Variants in TNS3 observed in about 807,000 individuals in gnomAD.
The protein encoded by TNS3 is tensin 3.
Under a neutral mutation model 140.9 loss-of-function variants are expected in TNS3, and 45 were observed. The ratio of observed to expected loss-of-function variants is 0.32; its 90% CI spans 0.25 to 0.41. The LOEUF (loss-of-function observed/expected upper bound fraction) is 0.41. Among genes scored for constraint, TNS3 ranks in the 10% least tolerant of loss-of-function variants. TNS3 has a pLI of 1.00. For synonymous variants in TNS3, 815 were observed against 788.4 expected, an observed-to-expected ratio of 1.03 and a Z score of -0.56; for missense variants, 1,716 against 1,906.7, an observed-to-expected ratio of 0.90 and a Z score of 1.86.
intron 8 of TNS3, among the ~76,000 whole-genome samples, chr7:47,428,636 CCAA>C (rs1214559738): frequency 6.6e-6 from 1 of 152,194 alleles, no homozygotes; most frequent in African/African-American, 2.4e-5. Context: ...GGAGGGCTGA[CCAA>C]CACAGCAGCT....
At chr7:47,514,235 A>G (rs1362820318) in intron 2 of TNS3, among the ~76,000 whole-genome samples, 1 of 152,224 alleles carries the variant, frequency 6.6e-6, no homozygotes, top group African/African-American at 2.4e-5. Context: ...CCCAATGCCC[A>G]CATTCACTGC....
At chr7:47,449,084 G>A (rs1371547604) in intron 4 of TNS3, among the ~76,000 whole-genome samples, 1 of 152,236 alleles carries the variant, frequency 6.6e-6, no homozygotes. Context: ...GCCTTGCACT[G>A]TATGTTGCCG....
chr7:47,543,323 G>A (rs1799840006), intron 1 of TNS3, among the ~76,000 whole-genome samples: 1 of 152,116 alleles, frequency 6.6e-6, no homozygotes, highest in African/African-American at 2.4e-5. Flanking sequence ...CTTCACACCT[G>A]TTCCCCAGGG....
At chr7:47,519,279 C>T (rs1240877729) in intron 2 of TNS3, among the ~76,000 whole-genome samples, 1 of 142,160 alleles carries the variant, frequency 7.0e-6, no homozygotes, top group Non-Finnish European at 1.5e-5. Flanking sequence ...GGCACGGGTG[C>T]AAAGGAGAAT....
chr7:47,525,695 C>T (rs116291140), intron 2 of TNS3, among the ~76,000 whole-genome samples: 7 of 152,192 alleles, frequency 4.6e-5, no homozygotes, highest in African/African-American at 1.7e-4. Flanking sequence ...GACGCATGCA[C>T]GCATGCACAC....
intron 3 of TNS3, among the ~76,000 whole-genome samples, chr7:47,502,980 T>C (rs1021910104): frequency 1.3e-5 from 2 of 152,046 alleles, no homozygotes; most frequent in Admixed American, 6.5e-5. Context: ...TCTGAGAGCA[T>C]TGGAGCCCAG....
intron 17 of TNS3, among the ~76,000 whole-genome samples, chr7:47,352,187 A>C (rs1789718910): frequency 6.6e-6 from 1 of 152,114 alleles, no homozygotes; most frequent in African/African-American, 2.4e-5. Flanking sequence ...AACAGTCACA[A>C]GCAGACACAC....
Position 47,548,049 on chromosome 7 carries a change from C to A in TNS3, c.-264-18902G>T, listed in dbSNP as rs1276691764. Reference sequence around the variant, plus strand: ...CCAAGTAGCTCGGACTACAGGCATGCACCATCACACCCGGCTAATTTTGTA... The same window carrying A: ...CCAAGTAGCTCGGACTACAGGCATGAACCATCACACCCGGCTAATTTTGTA... On this transcript the variant is annotated intron_variant, in intron 1 of 30. Coordinates refer to ENST00000311160, the MANE Select transcript of TNS3 (RefSeq NM_022748.12). Among the ~76,000 whole-genome samples, 6 of 152,208 alleles carry A rather than the reference C, an allele frequency of 3.9e-5. No individual in the cohort carries two copies. The East Asian group carries it at 1.2e-3, about 29-fold the overall frequency.
At chr7:47,334,605 C>CT (rs386410072) in intron 20 of TNS3, among the ~76,000 whole-genome samples, 4,583 of 118,716 alleles carry the variant, frequency 0.039, 244 homozygotes, top group African/African-American at 0.086. Context: ...AACCACGACT[C>CT]TTTTTTTTTT....
intron 16 of TNS3, among the ~76,000 whole-genome samples, chr7:47,373,069 C>G (rs1025519400): frequency 1.3e-5 from 2 of 152,114 alleles, no homozygotes; most frequent in Non-Finnish European, 2.9e-5. Flanking sequence ...GGAGAGTCAG[C>G]CTCAGGGGGA....
chr7:47,424,888 G>A (rs887516183), intron 9 of TNS3, among the ~76,000 whole-genome samples: 2 of 152,212 alleles, frequency 1.3e-5, no homozygotes, highest in African/African-American at 2.4e-5. Flanking sequence ...AGTGCCCACA[G>A]GAAGTGTCTG....
In TNS3 at chr7:47,292,821, C is replaced by T. The variant is rs764965235; in HGVS notation, c.3850+7G>A. On this transcript the variant is annotated splice_region_variant and intron_variant, in intron 26 of 30. Transcript: ENST00000311160. The stretch of plus-strand genomic sequence containing the variant: ...ACAGAGCCTGACTAGCACTGAGGAC[C>T]CCTTACCTCTCTCTGGGATAAGCAG... 44 of 1,613,882 alleles carry T rather than the reference C, an allele frequency of 2.7e-5. No individual in the cohort carries two copies. Among genetic ancestry groups the T allele is most frequent in the Non-Finnish European group, 3.6e-5 (43 of 1,179,848 alleles).
At chr7:47,330,615 A>G (rs1788280467) in intron 20 of TNS3, among the ~76,000 whole-genome samples, 1 of 152,066 alleles carries the variant, frequency 6.6e-6, no homozygotes, top group Non-Finnish European at 1.5e-5. Flanking sequence ...GGGAAGGTGA[A>G]GCAAGGAGGG....
chr7:47,395,161 G>A (rs73695327), intron 16 of TNS3, among the ~76,000 whole-genome samples: 1 of 152,172 alleles, frequency 6.6e-6, no homozygotes, highest in African/African-American at 2.4e-5. Flanking sequence ...TCCACAACTC[G>A]CCTCCCTGTT....
At chr7:47,370,778 G>A (rs1322600122) in intron 16 of TNS3, among the ~76,000 whole-genome samples, 7 of 152,182 alleles carry the variant, frequency 4.6e-5, no homozygotes, top group Non-Finnish European at 7.3e-5. Context: ...CCCACGCTGC[G>A]TGGGCACCTG....
chr7:47,300,218 G>C (rs1310706844), intron 23 of TNS3, among the ~76,000 whole-genome samples: 1 of 152,156 alleles, frequency 6.6e-6, no homozygotes, highest in East Asian at 1.9e-4. Flanking sequence ...GCCTTCCGCT[G>C]TTTGGAGACT....
chr7:47,558,869 C>T (rs77398759), intron 1 of TNS3, among the ~76,000 whole-genome samples: 1 of 152,164 alleles, frequency 6.6e-6, no homozygotes, highest in East Asian at 1.9e-4. Context: ...CAGGAGGAAG[C>T]TTTGCATGAC....
rs756443110 is a variant in TNS3 at position 47,368,930 on chromosome 7, C to A, written c.1716G>T (p.Val572=). The change falls in exon 17 of 31, where the codon GTG becomes GTT. Residue 572 remains valine, a synonymous_variant. Coordinates refer to ENST00000311160, the MANE Select transcript of TNS3 (RefSeq NM_022748.12). ...GCCCATAGGCCTGCATCTGGGCGGACACTGAGGGCTTTCTCAGCAGGGGCT... is the reference window on the plus strand; with the variant it reads ...GCCCATAGGCCTGCATCTGGGCGGAAACTGAGGGCTTTCTCAGCAGGGGCT... The part of the protein sequence containing the change: ...QPQPLLRKPS[V]SAQMQAYGQS... The A allele has an allele frequency of 3.7e-5, 59 of 1,613,254 alleles. No individual in the cohort carries two copies. Among genetic ancestry groups the A allele is most frequent in the Non-Finnish European group, 4.9e-5 (58 of 1,179,674 alleles).
chr7:47,558,976 G>A (rs1203993059), intron 1 of TNS3, among the ~76,000 whole-genome samples: 1 of 152,220 alleles, frequency 6.6e-6, no homozygotes, highest in East Asian at 1.9e-4. Flanking sequence ...GAAAGCACTG[G>A]AAGGCAGAAG....
Sources: allele counts gnomAD v4.1 joint callset (sites outside exome capture counted in the v4.1 genomes callset), GRCh38; gene constraint gnomAD v4.1.1; transcripts MANE v1.5; gene names NCBI Gene and HGNC (gene_info 2026-07-23, HGNC 2026-07-21).